PTPRN2: variants seen among roughly 807,000 people sequenced by gnomAD.
The protein encoded by PTPRN2 is protein tyrosine phosphatase receptor type N2.
In PTPRN2, 74 loss-of-function variants were observed where a neutral mutation model predicts 118.8. The observed-to-expected ratio is 0.62, with a 90% CI of 0.52 to 0.76. PTPRN2 has a LOEUF of 0.76. PTPRN2 is among the 30% of genes least tolerant of loss of function. The pLI is 0.00. For missense variants in PTPRN2, 1,481 were observed against 1,394.4 expected (o/e 1.06, Z -0.99); for synonymous variants, 641 against 608.0 (o/e 1.05, Z -0.80).
chr7:157,938,463 C>T (rs888603637), intron 11 of PTPRN2, among the ~76,000 whole-genome samples: 1 of 152,202 alleles, frequency 6.6e-6, no homozygotes, highest in South Asian at 2.1e-4. Context: ...TATAAGCAGA[C>T]CTGCAGGCCC....
Position 158,292,123 on chromosome 7 carries a change from C to T in PTPRN2, c.277+24696G>A, listed in dbSNP as rs545853380. 2.2e-3 allele frequency among the ~76,000 whole-genome samples: 338 copies of T among 152,324 alleles called. 5 individuals are homozygous for T. The highest frequency in any genetic ancestry group is 2.5e-3 in the East Asian group (13 of 5,184). ...GATCCCTCCTCTCCCCACCTTCCTG[C>T]TTCTTTCAGAAATGCCAGGGTTTTC... is the stretch of plus-strand genomic sequence containing the variant. On this transcript the variant is annotated intron_variant, in intron 3 of 22. Transcript: ENST00000389418.
At chr7:157,554,992 T>C (rs221279) in intron 21 of PTPRN2, among the ~76,000 whole-genome samples, 140,818 of 151,752 alleles carry the variant, frequency 0.93, 65,328 homozygotes, top group Middle Eastern at 0.99. Context: ...GTGGCGGGCG[T>C]CCCAGTGTGG....
At chr7:158,301,458 C>T (rs1411723397) in intron 3 of PTPRN2, among the ~76,000 whole-genome samples, 2 of 152,204 alleles carry the variant, frequency 1.3e-5, no homozygotes, top group African/African-American at 2.4e-5. Context: ...TCTTAGCTCC[C>T]GAGGTGCTTA....
At chr7:157,650,428 G>A (rs1805574148) in intron 14 of PTPRN2, among the ~76,000 whole-genome samples, 1 of 152,256 alleles carries the variant, frequency 6.6e-6, no homozygotes, top group Non-Finnish European at 1.5e-5. Context: ...CCACAAAGCC[G>A]GCATCGTCCA....
chr7:158,130,558 TAC>T (rs1379655879), intron 9 of PTPRN2, among the ~76,000 whole-genome samples: 2 of 131,894 alleles, frequency 1.5e-5, no homozygotes, highest in African/African-American at 5.8e-5. Flanking sequence ...CTACCCCACA[TAC>T]ACTCATATAC....
chr7:157,895,005 C>G (rs1797018788), intron 12 of PTPRN2, among the ~76,000 whole-genome samples: 1 of 151,604 alleles, frequency 6.6e-6, no homozygotes, highest in South Asian at 2.1e-4. Context: ...TGAGGGTAAG[C>G]TCACAATTCT....
At chr7:158,317,568 T>G (rs1276442716) in intron 2 of PTPRN2, among the ~76,000 whole-genome samples, 1 of 152,232 alleles carries the variant, frequency 6.6e-6, no homozygotes, top group East Asian at 1.9e-4. Flanking sequence ...ATTAATTTAG[T>G]CCCCAATTAG....
intron 2 of PTPRN2, among the ~76,000 whole-genome samples, chr7:158,400,958 G>A (rs1169755315): frequency 1.3e-5 from 2 of 152,102 alleles, no homozygotes; most frequent in East Asian, 3.9e-4. Context: ...GGAAAGCCGA[G>A]CAGACAGCAA....
At chr7:157,852,633 G>A (rs908079176) in intron 12 of PTPRN2, among the ~76,000 whole-genome samples, 4 of 152,168 alleles carry the variant, frequency 2.6e-5, no homozygotes, top group African/African-American at 9.7e-5. Flanking sequence ...CACTTTGGGA[G>A]GCTGAGAAGG....
intron 1 of PTPRN2, among the ~76,000 whole-genome samples, chr7:158,584,155 A>C (rs1828793363): frequency 6.6e-6 from 1 of 152,154 alleles, no homozygotes; most frequent in African/African-American, 2.4e-5. Context: ...TCGAAGCAAA[A>C]TCTGCATGAA....
intron 12 of PTPRN2, among the ~76,000 whole-genome samples, chr7:157,693,639 G>C (rs1180449013): frequency 6.6e-6 from 1 of 152,066 alleles, no homozygotes; most frequent in Non-Finnish European, 1.5e-5. Context: ...CTGAGGTCTG[G>C]GCCGGGGAGC....
At chr7:157,792,407 C>T (rs1461262959) in intron 12 of PTPRN2, among the ~76,000 whole-genome samples, 1 of 152,218 alleles carries the variant, frequency 6.6e-6, no homozygotes, top group Non-Finnish European at 1.5e-5. Context: ...CTCTGGCGGA[C>T]ATTAGCCAGC....
chr7:158,422,207 T>A (rs1171422526), intron 2 of PTPRN2, among the ~76,000 whole-genome samples: 1 of 152,186 alleles, frequency 6.6e-6, no homozygotes, highest in Non-Finnish European at 1.5e-5. Flanking sequence ...GGAACTGAAT[T>A]TCAGTCAACC....
chr7:158,207,782 G>A (rs1478307206), intron 3 of PTPRN2, among the ~76,000 whole-genome samples: 2 of 152,014 alleles, frequency 1.3e-5, no homozygotes, highest in African/African-American at 2.4e-5. Flanking sequence ...CTCACCAAAC[G>A]AACTAAATAA....
intron 1 of PTPRN2, among the ~76,000 whole-genome samples, chr7:158,585,524 G>A (rs1011098227): frequency 3.9e-5 from 6 of 152,200 alleles, no homozygotes; most frequent in East Asian, 3.8e-4. Context: ...GATCAGAGCC[G>A]AGGGAAACAT....
intron 2 of PTPRN2, among the ~76,000 whole-genome samples, chr7:158,342,949 T>G (rs1033182708): frequency 6.6e-6 from 1 of 152,170 alleles, no homozygotes; most frequent in Non-Finnish European, 1.5e-5. Context: ...AGTGCTGGGT[T>G]CTTTTCAGCC....
At chr7:157,829,269 G>A (rs534128120) in intron 12 of PTPRN2, among the ~76,000 whole-genome samples, 2 of 152,300 alleles carry the variant, frequency 1.3e-5, no homozygotes, top group South Asian at 2.1e-4. Context: ...GTCTTGCTGC[G>A]AGTGTTGGGG....
At chr7:157,631,987 G>T (rs969393401) in intron 14 of PTPRN2, among the ~76,000 whole-genome samples, 1 of 152,172 alleles carries the variant, frequency 6.6e-6, no homozygotes, top group Admixed American at 6.5e-5. Context: ...CAGACCTTAC[G>T]TACTTTCCGA....
Position 157,714,294 on chromosome 7 carries a change from C to T in PTPRN2, c.1789-31357G>A, listed in dbSNP as rs942530180. Among the ~76,000 whole-genome samples the T allele has an allele frequency of 1.4e-4, 21 of 152,324 alleles. No individual in the cohort carries two copies. The East Asian group carries it at 3.7e-3, about 27-fold the overall frequency. On this transcript the variant is annotated intron_variant, in intron 12 of 22. Coordinates refer to ENST00000389418, the MANE Select transcript of PTPRN2 (RefSeq NM_002847.5). ...GTTTTACTGTCAGTATAGTACAGTC[C>T]GTTAAACTGCGCATCTTTGATGAGT... is the stretch of plus-strand genomic sequence containing the variant.
Sources: gnomAD v4.1 joint callset for allele counts (sites outside exome capture counted in the v4.1 genomes callset) on GRCh38, gnomAD v4.1.1 for gene constraint, MANE v1.5 for transcripts, NCBI Gene and HGNC (gene_info 2026-07-23, HGNC 2026-07-21) for gene names.